Variants in OCA2 observed in about 807,000 individuals in gnomAD.
The protein encoded by OCA2 is P protein.
A neutral mutation model predicts 100.2 loss-of-function variants in OCA2; 77 were observed. That is an observed-to-expected ratio of 0.77 (90% CI 0.64 to 0.93). The LOEUF is 0.93. Among genes scored for constraint, OCA2 ranks in the 40% least tolerant of loss-of-function variants. The pLI is 0.00. For missense variants in OCA2, 1,062 were observed against 1,089.1 expected (o/e 0.98, Z 0.35); for synonymous variants, 432 against 439.2 (o/e 0.98, Z 0.21).
intron 19 of OCA2, among the ~76,000 whole-genome samples, chr15:27,922,683 GTGTGTGTGTGTGTGT>G (rs1567110161): frequency 6.6e-4 from 24 of 36,322 alleles, no homozygotes; most frequent in African/African-American, 1.4e-3. Context: ...TGTTTGGGGT[GTGTGTGTGTGTGTGT>G]GTGTGTGTGT....
At position 28,093,554 on chromosome 15, in the gene OCA2, T is replaced by A. The variant is rs564963614; in HGVS notation, c.-22+5670A>T. ...CTCTGGAAAGCAGTTTGACAGTTTT[T>A]AAAAAAAAACTAAAATTGCAACTAC... On this transcript the variant is annotated intron_variant, in intron 1 of 23. Transcript: ENST00000354638. 5.9e-3 allele frequency among the ~76,000 whole-genome samples: 894 copies of A among 151,584 alleles called. 7 individuals are homozygous for A. The highest frequency in any genetic ancestry group is 0.021 in the African/African-American group (849 of 41,274).
At chr15:27,968,270 G>A (rs1329400043) in intron 14 of OCA2, among the ~76,000 whole-genome samples, 2 of 149,710 alleles carry the variant, frequency 1.3e-5, no homozygotes, top group Non-Finnish European at 3.0e-5. Context: ...AGAACTCAAG[G>A]TCTTTTCTGT....
At chr15:27,801,596 T>G (rs971194344) in intron 23 of OCA2, among the ~76,000 whole-genome samples, 1 of 141,522 alleles carries the variant, frequency 7.1e-6, no homozygotes, top group Non-Finnish European at 1.5e-5. Flanking sequence ...CAATACATCA[T>G]GATCAAGTGA....
chr15:28,074,795 C>T (rs2044380667), intron 2 of OCA2, among the ~76,000 whole-genome samples: 1 of 151,876 alleles, frequency 6.6e-6, no homozygotes, highest in South Asian at 2.1e-4. Context: ...TGCAGTAAGC[C>T]GAGATAACAC....
chr15:27,897,189 C>CAA (rs34697199), intron 19 of OCA2, among the ~76,000 whole-genome samples: 4 of 131,324 alleles, frequency 3.0e-5, no homozygotes, highest in Non-Finnish European at 3.4e-5. Context: ...GACTCCGTCT[C>CAA]AAAAAAAAAA....
intron 14 of OCA2, among the ~76,000 whole-genome samples, chr15:27,982,478 G>C (rs1361285776): frequency 1.3e-5 from 2 of 152,186 alleles, no homozygotes; most frequent in African/African-American, 2.4e-5. Flanking sequence ...AGTTCACATG[G>C]CAAAGTTGGT....
At chr15:27,875,871 T>A (rs2036770296) in intron 19 of OCA2, among the ~76,000 whole-genome samples, 1 of 152,096 alleles carries the variant, frequency 6.6e-6, no homozygotes, top group Non-Finnish European at 1.5e-5. Flanking sequence ...TTGTATCTTC[T>A]GACCTTGCTA....
chr15:27,862,414 C>T (rs1443378761), intron 21 of OCA2, among the ~76,000 whole-genome samples: 2 of 151,846 alleles, frequency 1.3e-5, no homozygotes, highest in Non-Finnish European at 2.9e-5. Context: ...AGCACCCATA[C>T]AAGGGGACAT....
At chr15:27,939,492 AT>A (rs1420959899) in intron 18 of OCA2, among the ~76,000 whole-genome samples, 3 of 152,230 alleles carry the variant, frequency 2.0e-5, no homozygotes, top group African/African-American at 7.2e-5. Flanking sequence ...TTGTGGTTAA[AT>A]TCTGCATTTT....
chr15:27,870,786 GAAAAAGAAAGAA>G (rs1285599296), intron 21 of OCA2, among the ~76,000 whole-genome samples: 1 of 86,284 alleles, frequency 1.2e-5, no homozygotes, highest in Non-Finnish European at 2.2e-5. Context: ...AAGAAAGAAA[GAAAAAGAAAGAA>G]AGAAAGAAAG....
chr15:27,893,745 AC>A (rs1383961521), intron 19 of OCA2, among the ~76,000 whole-genome samples: 1 of 151,974 alleles, frequency 6.6e-6, no homozygotes, highest in Non-Finnish European at 1.5e-5. Flanking sequence ...CTGCTCTCGA[AC>A]CCTGTTTTCT....
At chr15:27,880,768 T>C (rs1198728534) in intron 19 of OCA2, among the ~76,000 whole-genome samples, 1 of 152,154 alleles carries the variant, frequency 6.6e-6, no homozygotes, top group Admixed American at 6.5e-5. Context: ...ACTGAGAGGA[T>C]GGGGTTTTCT....
intron 19 of OCA2, among the ~76,000 whole-genome samples, chr15:27,872,626 C>T (rs570004483): frequency 2.0e-5 from 3 of 152,202 alleles, no homozygotes; most frequent in South Asian, 2.1e-4. Context: ...GTGATTCCAT[C>T]GCGCTGAAAG....
At chr15:27,770,648 C>T (rs1235702747) in intron 23 of OCA2, among the ~76,000 whole-genome samples, 1 of 152,154 alleles carries the variant, frequency 6.6e-6, no homozygotes, top group South Asian at 2.1e-4. Flanking sequence ...CGGCCGCTCC[C>T]GTGGCCTCTG....
At chr15:27,790,373 C>G (rs1337612528) in intron 23 of OCA2, among the ~76,000 whole-genome samples, 1 of 152,188 alleles carries the variant, frequency 6.6e-6, no homozygotes, top group Non-Finnish European at 1.5e-5. Context: ...AGCCCCATTG[C>G]TAGGTGAGAG....
At chr15:27,789,723 G>T (rs534368076) in intron 23 of OCA2, among the ~76,000 whole-genome samples, 2 of 152,210 alleles carry the variant, frequency 1.3e-5, no homozygotes, top group African/African-American at 4.8e-5. Context: ...AAGTACAAAA[G>T]CAATTTAATG....
At chr15:27,825,489 T>C (rs1229574575) in intron 23 of OCA2, among the ~76,000 whole-genome samples, 1 of 151,574 alleles carries the variant, frequency 6.6e-6, no homozygotes, top group Admixed American at 6.6e-5. Flanking sequence ...CGGCTGGGAG[T>C]GGCGGGGAGA....
At chr15:27,719,972 T>G in the OCA2 span, among the ~76,000 whole-genome samples, 1 of 152,172 alleles carries the variant, frequency 6.6e-6, no homozygotes, top group Non-Finnish European at 1.5e-5. Context: ...AACCTTCCCC[T>G]CTCACATACT....
At chr15:27,989,991 A>G (rs2041497412) in intron 10 of OCA2, among the ~76,000 whole-genome samples, 1 of 152,162 alleles carries the variant, frequency 6.6e-6, no homozygotes, top group Admixed American at 6.5e-5. Context: ...GCCTGAGACC[A>G]GATGACAGGA....
Sources: gnomAD v4.1 joint callset for allele counts (sites outside exome capture counted in the v4.1 genomes callset) on GRCh38, gnomAD v4.1.1 for gene constraint, MANE v1.5 for transcripts, NCBI Gene and HGNC (gene_info 2026-07-23, HGNC 2026-07-21) for gene names.